Variants in PDGFRA observed in about 807,000 individuals in gnomAD.
The protein encoded by PDGFRA is platelet derived growth factor receptor alpha.
PDGFRA carries 25 observed loss-of-function variants against 121.5 expected under a neutral mutation model. That is an observed-to-expected ratio of 0.21 (90% confidence interval 0.15 to 0.29). The LOEUF is 0.29. PDGFRA is among the 10% of genes least tolerant of loss of function. PDGFRA has a pLI of 1.00. For synonymous variants in PDGFRA, 463 were observed against 494.8 expected, an observed-to-expected ratio of 0.94 and a Z score of 0.85; for missense variants, 1,008 against 1,345.1, an observed-to-expected ratio of 0.75 and a Z score of 3.92.
chr4:54,251,065 CA>C (rs566538469), intron 1 of PDGFRA, among the ~76,000 whole-genome samples: 3,944 of 51,822 alleles, frequency 0.076, 47 homozygotes, highest in African/African-American at 0.13. Flanking sequence ...AACTCCGTCT[CA>C]AAAAAAAAAA....
intron 22 of PDGFRA, 78 bp downstream of exon 22, chr4:54,290,632 T>A: frequency 2.0e-6 from 3 of 1,509,594 alleles, no homozygotes; most frequent in South Asian, 1.1e-5. Context: ...ATTTTCCCGA[T>A]AATGGTGCAC....
intron 16 of PDGFRA, among the ~76,000 whole-genome samples, chr4:54,283,589 A>G (rs1724176296): frequency 6.6e-6 from 1 of 152,226 alleles, no homozygotes; most frequent in African/African-American, 2.4e-5. Context: ...GAAATGCCTT[A>G]AAGGCCTTTT....
chr4:54,274,641 T>C lies in PDGFRA; in HGVS notation c.1653+16T>C. ...TTGGAAACAGGTAGATATTTTCTCA[T>C]AAAACTAAAGATCTTTGAAGCCAAT... On this transcript the variant is annotated intron_variant, in intron 11 of 22. Transcript: ENST00000257290. The C allele has an allele frequency of 6.3e-7, 1 of 1,590,352 alleles. No homozygotes were observed. Among genetic ancestry groups the C allele is most frequent in the Non-Finnish European group, 8.6e-7 (1 of 1,158,210 alleles).
intron 22 of PDGFRA, among the ~76,000 whole-genome samples, chr4:54,291,928 A>G (rs1560494183): frequency 6.6e-6 from 1 of 152,170 alleles, no homozygotes; most frequent in Non-Finnish European, 1.5e-5. Context: ...CATATACACC[A>G]TGGAATACTA....
At chr4:54,287,660 T>C (rs966866110) in intron 19 of PDGFRA, 119 bp downstream of exon 19, 6 of 727,618 alleles carry the variant, frequency 8.2e-6, no homozygotes, top group African/African-American at 5.2e-5. Context: ...GAGGCCAGTA[T>C]GCTGCAGCCA....
chr4:54,274,816 AG>A (rs1723625199), intron 11 of PDGFRA, 24 bp from the exon 12 acceptor site: 6 of 1,613,840 alleles, frequency 3.7e-6, no homozygotes, highest in Non-Finnish European at 5.1e-6. Flanking sequence ...GTAATTCACC[AG>A]TTACCTGTCC....
At chr4:54,288,972 T>A (rs770140364) in intron 20 of PDGFRA, 37 bp from the exon 21 acceptor site, 4 of 1,516,788 alleles carry the variant, frequency 2.6e-6, no homozygotes, top group Admixed American at 3.3e-5. Flanking sequence ...GCCCTGAGAC[T>A]TCCCCCTGTG....
At chr4:54,277,179 A>G in intron 12 of PDGFRA, 1 of 608,724 alleles carries the variant, frequency 1.6e-6, no homozygotes, top group Non-Finnish European at 3.0e-6. Flanking sequence ...TTTCCCTTGC[A>G]AGTGTTATTC....
At chr4:54,245,749 A>C (rs987436775) in intron 1 of PDGFRA, among the ~76,000 whole-genome samples, 1 of 152,260 alleles carries the variant, frequency 6.6e-6, no homozygotes, top group African/African-American at 2.4e-5. Flanking sequence ...AAATGCTTCA[A>C]TCAAAAGACA....
chr4:54,271,780 C>CTT (rs1174284801), intron 8 of PDGFRA, among the ~76,000 whole-genome samples: 1 of 145,236 alleles, frequency 6.9e-6, no homozygotes, highest in Non-Finnish European at 1.5e-5. Flanking sequence ...TCCTTCCTTC[C>CTT]TTCCTCCCTC....
At chr4:54,246,862 C>CAAA (rs201183794) in intron 1 of PDGFRA, among the ~76,000 whole-genome samples, 3 of 143,268 alleles carry the variant, frequency 2.1e-5, no homozygotes, top group Admixed American at 6.9e-5. Context: ...CAAATAGACG[C>CAAA]AAAAAAAAAA....
Position 54,272,394 on chromosome 4 carries a change from T to C in PDGFRA, c.1238T>C (p.Val413Ala). The C allele has an allele frequency of 6.2e-7, 1 of 1,614,054 alleles. No individual in the cohort carries two copies. Among genetic ancestry groups the C allele is most frequent in the Non-Finnish European group, 8.5e-7 (1 of 1,179,984 alleles). The change falls in exon 9 of 23, where the codon GTT (valine) becomes GCT (alanine). Residue 413 changes from valine to alanine, a missense_variant and splice_region_variant. Physicochemically the swap from Val to Ala is moderately conservative, Grantham distance 64. Around this residue, in one of 5 missense-constraint regions of PDGFRA, gnomAD observed 575 missense variants for 701.8 expected, o/e 0.82. Coordinates refer to ENST00000257290, the MANE Select transcript of PDGFRA (RefSeq NM_006206.6). ...TCTGACTTCTTTCTGCCTCTTGCAG[T>C]TCCTTCATCCATTCTGGACTTGGTC... ...KSYTFELLTQ[V>A]PSSILDLVDD...
At position 54,296,295 on chromosome 4, in the gene PDGFRA, C is replaced by A. The variant is rs1230527687; in HGVS notation, c.*1023C>A. ...CTCAATGTAGAGGCATAAACCTGTG[C>A]TGAACATAACTTCTCATGTATATTA... On this transcript the variant is annotated 3_prime_UTR_variant, in exon 23 of 23. Coordinates refer to ENST00000257290, the MANE Select transcript of PDGFRA (RefSeq NM_006206.6). 4.3e-6 allele frequency: 1 copy of A among 232,304 alleles called. No individual in the cohort carries two copies. Among genetic ancestry groups the A allele is most frequent in the African/African-American group, 2.2e-5 (1 of 45,206 alleles). The allele number at this position is 232,304 out of a possible 1,614,324, so 14.4% of individuals were successfully genotyped here.
chr4:54,247,048 A>T, intron 1 of PDGFRA, among the ~76,000 whole-genome samples: 1 of 152,208 alleles, frequency 6.6e-6, no homozygotes, highest in Non-Finnish European at 1.5e-5. Flanking sequence ...ATAGACCAAT[A>T]ACAGGCTCTG....
intron 1 of PDGFRA, among the ~76,000 whole-genome samples, chr4:54,234,465 T>C (rs1720895894): frequency 6.6e-6 from 1 of 152,224 alleles, no homozygotes; most frequent in Non-Finnish European, 1.5e-5. Flanking sequence ...TGCGACCCGC[T>C]GTGAGAATGG....
intron 10 of PDGFRA, 24 bp from the exon 11 acceptor site, chr4:54,274,507 G>T (rs2110295830): frequency 6.4e-7 from 1 of 1,572,722 alleles, no homozygotes. Flanking sequence ...ACTTTTCATT[G>T]TGCCTCTCTC....
chr4:54,252,920 T>C (rs1166333396), intron 1 of PDGFRA, among the ~76,000 whole-genome samples: 2 of 151,356 alleles, frequency 1.3e-5, no homozygotes, highest in Non-Finnish European at 2.9e-5. Flanking sequence ...TATAGAGTCA[T>C]GTCCAATGGC....
At chr4:54,274,492 A>G (rs771825408) in intron 10 of PDGFRA, 39 bp from the exon 11 acceptor site, 7 of 1,460,454 alleles carry the variant, frequency 4.8e-6, no homozygotes, top group Non-Finnish European at 6.7e-6. Context: ...CATGTCTGCC[A>G]GGAAACTTTT....
Position 54,261,177 on chromosome 4 carries a change from C to T in PDGFRA, c.132C>T (p.Ser44=), listed in dbSNP as rs2110242010. The T allele has an allele frequency of 6.2e-7, 1 of 1,614,150 alleles. No homozygotes were observed. Among genetic ancestry groups the T allele is most frequent in the Non-Finnish European group, 8.5e-7 (1 of 1,179,988 alleles). Residue 44 remains serine (S), a synonymous_variant, in exon 3 of 23, where the codon TCC becomes TCT. Transcript: ENST00000257290. ...AAAAGGTTGTGCAGCTGAATTCATCCTTTTCTCTGAGATGCTTTGGGGAGA... is the reference window on the plus strand; with the variant it reads ...AAAAGGTTGTGCAGCTGAATTCATCTTTTTCTCTGAGATGCTTTGGGGAGA... The part of the protein sequence containing the change: ...ENEKVVQLNS[S]FSLRCFGESE...
Sources: gnomAD v4.1 joint callset for allele counts (sites outside exome capture counted in the v4.1 genomes callset) on GRCh38, gnomAD v4.1.1 for gene constraint, gnomAD v4.1.1 regional missense constraint, MANE v1.5 for transcripts, NCBI Gene and HGNC (gene_info 2026-07-23, HGNC 2026-07-21) for gene names.